Variants in PTCH1 observed in about 807,000 individuals in gnomAD.
PTCH1 encodes the protein patched 1, also known as protein patched homolog 1.
PTCH1 carries 14 observed loss-of-function variants against 144.6 expected under a neutral mutation model. The ratio of observed to expected loss-of-function variants is 0.10; its 90% confidence interval spans 0.06 to 0.15. The LOEUF is 0.15. Ranked by LOEUF, PTCH1 falls within the 10% of genes least tolerant of loss-of-function variation. The pLI, the probability that PTCH1 is intolerant of heterozygous loss-of-function variation, is 1.00. For synonymous variants in PTCH1, 833 were observed against 793.6 expected, an observed-to-expected ratio of 1.05 and a Z score of -0.83; for missense variants, 1,623 against 1,948.3, an observed-to-expected ratio of 0.83 and a Z score of 3.14.
Position 95,447,439 on chromosome 9 carries a change from C to T in PTCH1, c.3817G>A (p.Glu1273Lys), listed in dbSNP as rs749244396. The T allele has an allele frequency of 1.0e-5, 16 of 1,587,810 alleles. No homozygotes were observed. The highest frequency in any genetic ancestry group is 4.1e-5 in the African/African-American group (3 of 74,024). ...VFAHSTVVHP[E>K]SRHHPPSNPR... ...TTCGAGGGTGGGTGATGCCTGGATT[C>T]GGGATGGACCACCTGCAGAGGGTGA... The change falls in exon 23 of 24, where the codon GAA becomes AAA. Residue 1273 changes from glutamate (E) to lysine (K), a missense_variant. Coordinates refer to ENST00000331920, the MANE Select transcript of PTCH1 (RefSeq NM_000264.5).
At chr9:95,478,285 T>C (rs1011798876) in intron 8 of PTCH1, 99 bp from the exon 9 acceptor site, 5 of 1,555,976 alleles carry the variant, frequency 3.2e-6, no homozygotes, top group Admixed American at 1.7e-5. Flanking sequence ...CCCTTCTTTT[T>C]TTCTGATGCA....
intron 1 of PTCH1, among the ~76,000 whole-genome samples, chr9:95,514,852 A>G (rs895554537): frequency 3.3e-5 from 5 of 152,224 alleles, no homozygotes; most frequent in Admixed American, 6.5e-5. Flanking sequence ...AATTAGATAC[A>G]CCACTCACAG....
chr9:95,482,643 T>C (rs892793917), intron 3 of PTCH1: 1 of 258,880 alleles, frequency 3.9e-6, no homozygotes, highest in Non-Finnish European at 7.5e-6. Flanking sequence ...CCTTAATAGG[T>C]AGTATTCAAA....
chr9:95,447,540 C>T, intron 22 of PTCH1, 89 bp from the exon 23 acceptor site: 3 of 1,388,902 alleles, frequency 2.2e-6, no homozygotes, highest in Non-Finnish European at 2.9e-6. Context: ...TGGGTTTCAC[C>T]AAAGACTCAG....
intron 16 of PTCH1, among the ~76,000 whole-genome samples, chr9:95,460,632 G>A (rs748263248): frequency 6.6e-5 from 10 of 152,144 alleles, no homozygotes; most frequent in African/African-American, 2.4e-4. Flanking sequence ...ACTGGATTTC[G>A]GGGATCTGGA....
chr9:95,482,300 C>T (rs763275914), intron 3 of PTCH1, 97 bp from the exon 4 acceptor site: 533 of 1,218,578 alleles, frequency 4.4e-4, no homozygotes, highest in Non-Finnish European at 5.9e-4. Context: ...ACTGCAATTT[C>T]GATCACTTTT....
chr9:95,460,802 G>A (rs1415500515), intron 16 of PTCH1, among the ~76,000 whole-genome samples: 2 of 152,138 alleles, frequency 1.3e-5, no homozygotes, highest in Non-Finnish European at 2.9e-5. Flanking sequence ...TTGTCCCACA[G>A]TATCCCTGGT....
chr9:95,481,822 G>A, intron 5 of PTCH1, 127 bp downstream of exon 5: 3 of 917,390 alleles, frequency 3.3e-6, no homozygotes, highest in Admixed American at 2.0e-5. Context: ...CTCAAAAAAT[G>A]CACATGGAAT....
intron 5 of PTCH1, among the ~76,000 whole-genome samples, chr9:95,481,186 C>T (rs1448464548): frequency 6.6e-6 from 1 of 152,198 alleles, no homozygotes; most frequent in Non-Finnish European, 1.5e-5. Flanking sequence ...GTGGTTCAAA[C>T]CACACTGTAG....
rs1837765747 is a variant in PTCH1 at position 95,444,979 on chromosome 9, A to G, written c.*1414T>C. On this transcript the variant is annotated 3_prime_UTR_variant, in exon 24 of 24. Coordinates refer to ENST00000331920, the MANE Select transcript of PTCH1 (RefSeq NM_000264.5). ...CTGCTTTCCCACATCACATTGAAAG[A>G]GCACTAATGACGGGGAGGATGGAGA... 1 of 152,256 alleles carries G rather than the reference A, an allele frequency of 6.6e-6. No individual in the cohort carries two copies. Among genetic ancestry groups the G allele is most frequent in the African/African-American group, 2.4e-5 (1 of 41,460 alleles). 9.4% of individuals were successfully genotyped at this position (152,256 alleles called of 1,614,324 possible).
In PTCH1 at chr9:95,443,733, T is replaced by C. The variant is rs1164847624; in HGVS notation, c.*2660A>G. The C allele has an allele frequency of 6.6e-6, 1 of 152,656 alleles. No individual in the cohort carries two copies. Among genetic ancestry groups the C allele is most frequent in the South Asian group, 2.1e-4 (1 of 4,834 alleles). The allele number at this position is 152,656 out of a possible 1,614,324, so 9.5% of individuals were successfully genotyped here. Reference sequence around the variant, plus strand: ...AATATACTTCTGTCAAAAGACTTGATGACTACTATGTACACTACAAAAATA... The same window carrying C: ...AATATACTTCTGTCAAAAGACTTGACGACTACTATGTACACTACAAAAATA... On this transcript the variant is annotated 3_prime_UTR_variant, in exon 24 of 24. Coordinates refer to ENST00000331920, the MANE Select transcript of PTCH1 (RefSeq NM_000264.5).
At chr9:95,489,784 T>G (rs1437912452) in intron 2 of PTCH1, among the ~76,000 whole-genome samples, 2 of 151,338 alleles carry the variant, frequency 1.3e-5, no homozygotes, top group Non-Finnish European at 2.9e-5. Context: ...ATTTTTGCTG[T>G]GTGGTAGGCT....
chr9:95,466,752 T>A (rs930885247), intron 15 of PTCH1, among the ~76,000 whole-genome samples: 1 of 152,216 alleles, frequency 6.6e-6, no homozygotes, highest in African/African-American at 2.4e-5. Context: ...TGGCAATCAG[T>A]CTGGAAATCC....
intron 19 of PTCH1, among the ~76,000 whole-genome samples, chr9:95,454,926 T>TGGCA (rs1197487732): frequency 1.3e-5 from 2 of 152,242 alleles, no homozygotes; most frequent in Non-Finnish European, 2.9e-5. Flanking sequence ...GGATACCCAT[T>TGGCA]TGCCCTGCTA....
intron 18 of PTCH1, 144 bp downstream of exon 18, chr9:95,457,869 C>A (rs1839078678): frequency 1.7e-6 from 2 of 1,155,314 alleles, no homozygotes; most frequent in East Asian, 2.5e-5. Context: ...TGGACCTCAC[C>A]ACCTCGAGTA....
upstream of PTCH1, among the ~76,000 whole-genome samples, chr9:95,510,185 GAGAGT>G (rs1173322859): frequency 1.3e-5 from 2 of 152,168 alleles, no homozygotes; most frequent in African/African-American, 2.4e-5. Flanking sequence ...GTTTCCTTGA[GAGAGT>G]AAAGTTTTCC....
chr9:95,459,119 C>T (rs746075706), intron 17 of PTCH1, among the ~76,000 whole-genome samples: 7 of 152,178 alleles, frequency 4.6e-5, no homozygotes, highest in Non-Finnish European at 8.8e-5. Context: ...AGGAAGAGGA[C>T]GCTGTTGTAT....
chr9:95,446,282 A>G lies in PTCH1; in HGVS notation c.*111T>C. On this transcript the variant is annotated 3_prime_UTR_variant, in exon 24 of 24. Coordinates refer to ENST00000331920, the MANE Select transcript of PTCH1 (RefSeq NM_000264.5). ...AGTAACAATGAACTGCTGTCCTGGC[A>G]CAGGGCATCTTTTCCATAACTCCAA... 1 of 488,168 alleles carries G rather than the reference A, an allele frequency of 2.0e-6. No individual in the cohort carries two copies. The highest frequency in any genetic ancestry group is 4.1e-6 in the Non-Finnish European group (1 of 244,246). 30.2% of individuals were successfully genotyped at this position (488,168 alleles called of 1,614,324 possible). A position where few individuals can be genotyped will look rare whatever the true frequency, so the allele number is the denominator to read the frequency against.
chr9:95,497,433 C>T (rs989045660), intron 2 of PTCH1, among the ~76,000 whole-genome samples: 8 of 152,180 alleles, frequency 5.3e-5, no homozygotes, highest in East Asian at 1.9e-4. Flanking sequence ...CAGAACATAT[C>T]GTGGGCTACA....
Sources: allele counts gnomAD v4.1 joint callset (sites outside exome capture counted in the v4.1 genomes callset), GRCh38; gene constraint gnomAD v4.1.1; transcripts MANE v1.5; gene names NCBI Gene and HGNC (gene_info 2026-07-23, HGNC 2026-07-21).